FREM1: variants seen among roughly 807,000 people sequenced by gnomAD.
The protein encoded by FREM1 is FRAS1-related extracellular matrix protein 1.
Under a neutral mutation model 210.1 loss-of-function variants are expected in FREM1, and 220 were observed. The observed-to-expected ratio is 1.05, with a 90% CI of 0.94 to 1.17. FREM1 has a LOEUF of 1.17. FREM1 is among the 50% of genes most tolerant of loss of function. FREM1 has a pLI of 0.00. For synonymous variants in FREM1, 1,189 were observed against 980.2 expected, an observed-to-expected ratio of 1.21 and a Z score of -3.98; for missense variants, 3,454 against 2,675.5, an observed-to-expected ratio of 1.29 and a Z score of -6.42.
intron 1 of FREM1, among the ~76,000 whole-genome samples, chr9:14,892,688 A>C (rs1341632276): frequency 2.0e-5 from 3 of 152,022 alleles, no homozygotes; most frequent in African/African-American, 7.2e-5. Flanking sequence ...CTAAAGGGGA[A>C]ACTTGAGAGC....
intron 5 of FREM1, 45 bp from the exon 6 acceptor site, chr9:14,851,652 G>T: frequency 7.2e-7 from 1 of 1,388,516 alleles, no homozygotes; most frequent in Non-Finnish European, 1.0e-6. Flanking sequence ...TAATATGAAT[G>T]AGGTGATATC....
At chr9:14,838,622 T>C (rs920247557) in intron 10 of FREM1, among the ~76,000 whole-genome samples, 2 of 152,164 alleles carry the variant, frequency 1.3e-5, no homozygotes, top group Admixed American at 1.3e-4. Context: ...CTACCAAATG[T>C]TTGGGTCTTA....
At chr9:14,757,685 A>T (rs13302847) in intron 28 of FREM1, among the ~76,000 whole-genome samples, 1 of 152,162 alleles carries the variant, frequency 6.6e-6, no homozygotes, top group Non-Finnish European at 1.5e-5. Flanking sequence ...GGGATAATAT[A>T]TTTCTGTACC....
intron 6 of FREM1, among the ~76,000 whole-genome samples, chr9:14,851,025 G>A (rs775382606): frequency 1.3e-4 from 20 of 152,218 alleles, no homozygotes; most frequent in Admixed American, 7.9e-4. Context: ...GCAGGGCAGT[G>A]GTGGGCATGA....
At chr9:14,808,706 G>A (rs935319812) in intron 16 of FREM1, among the ~76,000 whole-genome samples, 2 of 152,152 alleles carry the variant, frequency 1.3e-5, no homozygotes, top group African/African-American at 4.8e-5. Context: ...AACAGTCTGT[G>A]GAAAAGAAGA....
intron 19 of FREM1, among the ~76,000 whole-genome samples, chr9:14,802,727 T>C (rs1817515315): frequency 6.6e-6 from 1 of 152,210 alleles, no homozygotes; most frequent in African/African-American, 2.4e-5. Context: ...AATAAGAGTA[T>C]ATAAATTCTA....
Position 14,845,954 on chromosome 9 carries a change from A to G in FREM1, c.1393+6T>C, listed in dbSNP as rs145871721. 6.9e-5 allele frequency: 111 copies of G among 1,613,394 alleles called. 2 individuals carry two copies. Among genetic ancestry groups the G allele is most frequent in the African/African-American group, 5.9e-4 (44 of 75,044 alleles). On this transcript the variant is annotated splice_donor_region_variant and intron_variant, in intron 8 of 36. Transcript: ENST00000380880. The stretch of plus-strand genomic sequence containing the variant: ...CTTTGCTAGGTTACCAAGTTGGATC[A>G]TTCACCTCTTAAAGTCAGCCATCCA...
At chr9:14,751,331 C>A (rs561946323) in intron 29 of FREM1, among the ~76,000 whole-genome samples, 2 of 152,238 alleles carry the variant, frequency 1.3e-5, no homozygotes, top group Admixed American at 1.3e-4. Context: ...TACAGTTAAA[C>A]TTTTTAAAAA....
chr9:14,870,805 T>TC, intron 1 of FREM1, among the ~76,000 whole-genome samples: 1 of 75,570 alleles, frequency 1.3e-5, no homozygotes, highest in South Asian at 5.3e-4. Context: ...CCCTCCCCCC[T>TC]CCCCCGACCC....
rs543771912 is a variant in FREM1 at position 14,877,469 on chromosome 9, A to AC, written c.-267-8226dup. On this transcript the variant is annotated intron_variant, in intron 1 of 36. Coordinates refer to ENST00000380880, the MANE Select transcript of FREM1 (RefSeq NM_001379081.2). The stretch of plus-strand genomic sequence containing the variant: ...CTTTATGGTAGACAGATCTTAGGTG[A>AC]CCCCCCAAATAATTCCAGTCTCCTA... 4.7e-3 allele frequency among the ~76,000 whole-genome samples: 594 copies of AC among 125,690 alleles called. 27 individuals are homozygous for AC. The highest frequency in any genetic ancestry group is 0.017 in the African/African-American group (561 of 32,426). 82.5% of individuals were successfully genotyped at this position (125,690 alleles called of 152,430 possible).
At chr9:14,758,337 G>A (rs775761302) in intron 28 of FREM1, among the ~76,000 whole-genome samples, 30 of 152,294 alleles carry the variant, frequency 2.0e-4, no homozygotes, top group Admixed American at 2.6e-4. Context: ...GAATGGTGGC[G>A]TGGCCCAAAA....
chr9:14,774,511 ATCTC>A (rs36211636), intron 25 of FREM1, among the ~76,000 whole-genome samples: 7,563 of 135,700 alleles, frequency 0.056, 285 homozygotes, highest in East Asian at 0.14. Context: ...CCTAAAATAA[ATCTC>A]TCTCTCTCTC....
intron 25 of FREM1, among the ~76,000 whole-genome samples, chr9:14,775,054 C>A (rs1442235920): frequency 6.6e-6 from 1 of 152,176 alleles, no homozygotes; most frequent in Non-Finnish European, 1.5e-5. Context: ...AAAGATGCTG[C>A]CTTGTAAGTT....
At chr9:14,860,598 TATACAC>T (rs1234416628) in intron 3 of FREM1, among the ~76,000 whole-genome samples, 9 of 141,946 alleles carry the variant, frequency 6.3e-5, no homozygotes, top group African/African-American at 2.1e-4. Flanking sequence ...TATATACATA[TATACAC>T]ATATATACAC....
At chr9:14,865,266 C>T (rs117357762) in intron 2 of FREM1, among the ~76,000 whole-genome samples, 3,490 of 152,302 alleles carry the variant, frequency 0.023, 51 homozygotes, top group Non-Finnish European at 0.037. Context: ...GGGGTGCTTT[C>T]CACCCAGCAA....
At chr9:14,799,148 T>G (rs1853037767) in intron 20 of FREM1, among the ~76,000 whole-genome samples, 2 of 152,060 alleles carry the variant, frequency 1.3e-5, no homozygotes, top group African/African-American at 4.8e-5. Flanking sequence ...GTGGTATGTG[T>G]GATGACTTGT....
At chr9:14,752,908 G>C (rs917012597) in intron 29 of FREM1, among the ~76,000 whole-genome samples, 1 of 152,104 alleles carries the variant, frequency 6.6e-6, no homozygotes, top group Non-Finnish European at 1.5e-5. Flanking sequence ...TGGACCTTAC[G>C]GAGTAGAACC....
intron 1 of FREM1, among the ~76,000 whole-genome samples, chr9:14,887,360 G>A (rs374101494): frequency 2.6e-5 from 4 of 152,170 alleles, no homozygotes; most frequent in Admixed American, 1.3e-4. Context: ...AACAAGCCTC[G>A]GGCATTCTGG....
intron 8 of FREM1, among the ~76,000 whole-genome samples, chr9:14,843,110 A>C (rs1825969825): frequency 6.6e-6 from 1 of 152,230 alleles, no homozygotes; most frequent in South Asian, 2.1e-4. Flanking sequence ...GATAGACTGA[A>C]TAGAACAAAA....
Sources: allele counts gnomAD v4.1 joint callset (sites outside exome capture counted in the v4.1 genomes callset), GRCh38; gene constraint gnomAD v4.1.1; transcripts MANE v1.5; gene names NCBI Gene and HGNC (gene_info 2026-07-23, HGNC 2026-07-21).